EVC2: variants seen among roughly 807,000 people sequenced by gnomAD.
The protein encoded by EVC2 is EvC ciliary complex subunit 2, also known as limbin.
Under a neutral mutation model 149.3 loss-of-function variants are expected in EVC2, and 148 were observed. The ratio of observed to expected loss-of-function variants is 0.99; its 90% CI spans 0.87 to 1.14. The LOEUF is 1.14. Among genes scored for constraint, EVC2 ranks in the 50% most tolerant of loss-of-function variants. EVC2 has a pLI of 0.00. For missense variants in EVC2, 1,854 were observed against 1,627.3 expected (o/e 1.14, Z -2.40); for synonymous variants, 776 against 649.9 (o/e 1.19, Z -2.95).
chr4:5,531,951 A>G, the EVC2 span, among the ~76,000 whole-genome samples: 1 of 152,080 alleles, frequency 6.6e-6, no homozygotes, highest in South Asian at 2.1e-4. Context: ...TAGTTTACCT[A>G]TGATACATAA....
In EVC2 at chr4:5,626,704, G is replaced by A. The variant is rs907514389; in HGVS notation, c.1887-796C>T. On this transcript the variant is annotated intron_variant, in intron 12 of 21. Coordinates refer to ENST00000344408, the MANE Select transcript of EVC2 (RefSeq NM_147127.5). Reference sequence around the variant, plus strand: ...ATCAGCATTTTAATCAGTGGACTCAGTAAAGCAGACGGCCCTCCCCAGCAT... The same window carrying A: ...ATCAGCATTTTAATCAGTGGACTCAATAAAGCAGACGGCCCTCCCCAGCAT... 1.7e-4 allele frequency among the ~76,000 whole-genome samples: 26 copies of A among 152,254 alleles called. No homozygotes were observed. The South Asian group carries it at 2.9e-3, about 17-fold the overall frequency.
At chr4:5,663,995 C>T (rs1191801736) in intron 8 of EVC2, among the ~76,000 whole-genome samples, 1 of 152,116 alleles carries the variant, frequency 6.6e-6, no homozygotes, top group African/African-American at 2.4e-5. Context: ...AAGCCCAACC[C>T]TCTGATTGGA....
intron 2 of EVC2, among the ~76,000 whole-genome samples, chr4:5,694,808 G>T (rs1577264665): frequency 6.6e-6 from 1 of 152,186 alleles, no homozygotes; most frequent in East Asian, 1.9e-4. Context: ...TTACACACAT[G>T]ACATTAGACA....
intron 1 of EVC2, among the ~76,000 whole-genome samples, chr4:5,703,081 T>C (rs1220944378): frequency 6.6e-6 from 1 of 152,242 alleles, no homozygotes. Flanking sequence ...ATGGCAACTG[T>C]GACTTTAAGC....
intron 17 of EVC2, among the ~76,000 whole-genome samples, chr4:5,577,376 G>A (rs565233978): frequency 3.9e-5 from 6 of 152,140 alleles, no homozygotes; most frequent in South Asian, 2.1e-4. Flanking sequence ...GGTTGTGGGC[G>A]GAGGCAGGAG....
chr4:5,562,677 T>C lies in EVC2; in HGVS notation c.*171A>G. ...AGAGAGTGGGCCATCTGGAAATTCA[T>C]GAGACAAGATTAAACCGAGTCCCTG... On this transcript the variant is annotated 3_prime_UTR_variant, in exon 22 of 22. Transcript: ENST00000344408. The surrounding 1 kb of genome is among the most constrained non-coding windows in gnomAD (Gnocchi z 4.3). 6.8e-7 allele frequency: 1 copy of C among 1,473,246 alleles called. No homozygotes were observed. Among genetic ancestry groups the C allele is most frequent in the Non-Finnish European group, 8.9e-7 (1 of 1,119,902 alleles). 91.3% of individuals were successfully genotyped at this position (1,473,246 alleles called of 1,614,324 possible).
At chr4:5,700,430 C>A (rs904422290) in intron 1 of EVC2, among the ~76,000 whole-genome samples, 2 of 152,228 alleles carry the variant, frequency 1.3e-5, no homozygotes, top group Non-Finnish European at 2.9e-5. Flanking sequence ...TTTCAACCAG[C>A]ACCTGCTGCT....
intron 9 of EVC2, among the ~76,000 whole-genome samples, chr4:5,642,887 G>C (rs888742177): frequency 1.3e-5 from 2 of 152,160 alleles, no homozygotes; most frequent in African/African-American, 2.4e-5. Context: ...GACCAATCTT[G>C]TTTTCTCTAC....
intron 16 of EVC2, among the ~76,000 whole-genome samples, chr4:5,593,416 T>G (rs1214053712): frequency 6.6e-6 from 1 of 152,216 alleles, no homozygotes; most frequent in East Asian, 1.9e-4. Flanking sequence ...TTATGCTCCT[T>G]GGTTAAATTC....
At chr4:5,702,797 T>C (rs1468443207) in intron 1 of EVC2, among the ~76,000 whole-genome samples, 1 of 152,162 alleles carries the variant, frequency 6.6e-6, no homozygotes, top group Admixed American at 6.5e-5. Context: ...AGCAAGTGCT[T>C]TGGGTTAGAC....
chr4:5,653,464 T>G (rs749354549), intron 9 of EVC2, among the ~76,000 whole-genome samples: 1 of 152,246 alleles, frequency 6.6e-6, no homozygotes, highest in Non-Finnish European at 1.5e-5. Flanking sequence ...TCTAAGATTC[T>G]GTTTTCCTGG....
intron 16 of EVC2, 52 bp from the exon 17 acceptor site, chr4:5,584,902 G>A: frequency 6.3e-7 from 1 of 1,592,134 alleles, no homozygotes; most frequent in Non-Finnish European, 8.6e-7. Flanking sequence ...AGTAGAGGAG[G>A]GTGGAGGAGA....
chr4:5,698,752 A>T (rs1004566392), intron 1 of EVC2, among the ~76,000 whole-genome samples: 1 of 152,252 alleles, frequency 6.6e-6, no homozygotes, highest in African/African-American at 2.4e-5. Context: ...CTCACTCCAG[A>T]GCCTGGCACG....
chr4:5,644,864 TC>T (rs1470054696), intron 9 of EVC2, among the ~76,000 whole-genome samples: 2 of 152,204 alleles, frequency 1.3e-5, no homozygotes, highest in African/African-American at 4.8e-5. Context: ...AGGAATTTGA[TC>T]TTTTTTATGG....
rs1716900109 is a variant in EVC2, at chr4:5,636,537, T to C, written c.1470+3977A>G. ...CATAACATTTACATTGTATTAGGTA[T>C]TACAAGTAACAGAGGTGATTTAAAG... On this transcript the variant is annotated intron_variant, in intron 10 of 21. Coordinates refer to ENST00000344408, the MANE Select transcript of EVC2 (RefSeq NM_147127.5). The surrounding 1 kb of genome is among the most constrained non-coding windows in gnomAD (Gnocchi z 4.6). Among the ~76,000 whole-genome samples, 3 of 152,238 alleles carry C rather than the reference T, an allele frequency of 2.0e-5. No homozygotes were observed.
chr4:5,651,973 G>A (rs1275449229), intron 9 of EVC2, among the ~76,000 whole-genome samples: 1 of 152,200 alleles, frequency 6.6e-6, no homozygotes, highest in African/African-American at 2.4e-5. Context: ...ACCAATCCAG[G>A]CTAAACAGCC....
chr4:5,638,625 G>T (rs1011192479), intron 10 of EVC2, among the ~76,000 whole-genome samples: 1 of 151,990 alleles, frequency 6.6e-6, no homozygotes, highest in Non-Finnish European at 1.5e-5. Flanking sequence ...AAAAAGATAT[G>T]CCTAGATCCT....
rs1717285617 is a variant in EVC2 at position 5,640,934 on chromosome 4, C to G, written c.1146-96G>C. The G allele has an allele frequency of 7.2e-7, 1 of 1,398,152 alleles. No homozygotes were observed. Among genetic ancestry groups the G allele is most frequent in the Non-Finnish European group, 1.0e-6 (1 of 993,558 alleles). The allele number at this position is 1,398,152 out of a possible 1,614,324, so 86.6% of individuals were successfully genotyped here. ...TCTGAGGTTTTCATTTATGTGTAGGCAAGGGCTTTCTTCGTCTTCCTTTTC... is the reference window on the plus strand; with the variant it reads ...TCTGAGGTTTTCATTTATGTGTAGGGAAGGGCTTTCTTCGTCTTCCTTTTC... On this transcript the variant is annotated intron_variant, in intron 9 of 21. Transcript: ENST00000344408. The surrounding 1 kb of genome is among the most constrained non-coding windows in gnomAD (Gnocchi z 4.6).
chr4:5,689,386 G>A, intron 4 of EVC2, 43 bp from the exon 5 acceptor site: 1 of 1,608,432 alleles, frequency 6.2e-7, no homozygotes, highest in South Asian at 1.1e-5. Context: ...TTGCTGACAA[G>A]TCCAGCTTCC....
Sources: allele counts gnomAD v4.1 joint callset (sites outside exome capture counted in the v4.1 genomes callset), GRCh38; gene constraint gnomAD v4.1.1; non-coding constraint Gnocchi (gnomAD v3.1); transcripts MANE v1.5; gene names NCBI Gene and HGNC (gene_info 2026-07-23, HGNC 2026-07-21).